SEMA6D: variants seen among roughly 807,000 people sequenced by gnomAD.
The protein encoded by SEMA6D is semaphorin-6D.
Under a neutral mutation model 106.6 loss-of-function variants are expected in SEMA6D, and 35 were observed. The ratio of observed to expected loss-of-function variants is 0.33; its 90% CI spans 0.25 to 0.44. The LOEUF is 0.44. Among genes scored for constraint, SEMA6D ranks in the 20% least tolerant of loss-of-function variants. The pLI, the probability that SEMA6D is intolerant of heterozygous loss-of-function variation, is 1.00. For synonymous variants in SEMA6D, 499 were observed against 487.7 expected (o/e 1.02, Z -0.31); for missense variants, 1,185 against 1,345.9 (o/e 0.88, Z 1.87).
intron 1 of SEMA6D, among the ~76,000 whole-genome samples, chr15:47,317,452 A>G (rs1052925899): frequency 5.9e-5 from 9 of 152,106 alleles, no homozygotes; most frequent in African/African-American, 1.9e-4. Flanking sequence ...ATCCTTCTCT[A>G]GTGGTCTTCC....
At chr15:47,448,488 C>T (rs1376188134) in intron 2 of SEMA6D, among the ~76,000 whole-genome samples, 1 of 152,052 alleles carries the variant, frequency 6.6e-6, no homozygotes. Context: ...AGGAATAATG[C>T]CTGATCCATC....
intron 1 of SEMA6D, among the ~76,000 whole-genome samples, chr15:47,403,393 A>T (rs1404453959): frequency 1.3e-5 from 2 of 152,190 alleles, no homozygotes; most frequent in African/African-American, 4.8e-5. Flanking sequence ...AAGGTAAATG[A>T]TTTAATGGAA....
chr15:47,545,488 G>A (rs2045492566), intron 3 of SEMA6D, among the ~76,000 whole-genome samples: 1 of 152,100 alleles, frequency 6.6e-6, no homozygotes, highest in Admixed American at 6.6e-5. Context: ...GGGCCAGAGT[G>A]AGACATCACA....
intron 3 of SEMA6D, among the ~76,000 whole-genome samples, chr15:47,555,081 T>A (rs1048001903): frequency 2.0e-5 from 3 of 152,152 alleles, no homozygotes; most frequent in African/African-American, 7.2e-5. Context: ...AGAATGGATA[T>A]ACCAATCATA....
intron 1 of SEMA6D, among the ~76,000 whole-genome samples, chr15:47,223,889 A>G (rs982523320): frequency 4.6e-5 from 7 of 152,026 alleles, no homozygotes; most frequent in African/African-American, 9.7e-5. Context: ...AATAATGTCT[A>G]TTATAATTTG....
At chr15:47,244,976 G>A (rs553538373) in intron 1 of SEMA6D, among the ~76,000 whole-genome samples, 6 of 151,376 alleles carry the variant, frequency 4.0e-5, no homozygotes, top group Non-Finnish European at 7.4e-5. Flanking sequence ...GCAATAATTC[G>A]CTTAGGATAA....
chr15:47,401,851 C>T (rs1013002140), intron 1 of SEMA6D, among the ~76,000 whole-genome samples: 1 of 152,164 alleles, frequency 6.6e-6, no homozygotes, highest in Non-Finnish European at 1.5e-5. Flanking sequence ...TGCGTTCATA[C>T]CACCCGCAGC....
intron 4 of SEMA6D, among the ~76,000 whole-genome samples, chr15:47,641,831 C>G (rs997400646): frequency 6.6e-6 from 1 of 152,186 alleles, no homozygotes; most frequent in African/African-American, 2.4e-5. Context: ...GTATTCCTCA[C>G]TCTAAAACAC....
At chr15:47,265,043 G>C (rs377264948) in intron 1 of SEMA6D, among the ~76,000 whole-genome samples, 2 of 151,908 alleles carry the variant, frequency 1.3e-5, no homozygotes, top group East Asian at 1.9e-4. Flanking sequence ...TTATATCCAC[G>C]TGCATAAGAG....
At position 47,687,066 on chromosome 15, in the gene SEMA6D, C is replaced by CAA. The variant is rs369941348; in HGVS notation, c.-54-72663_-54-72662dup. Among the ~76,000 whole-genome samples, 880 of 120,922 alleles carry CAA rather than the reference C, an allele frequency of 7.3e-3. 8 individuals are homozygous for CAA. The highest frequency in any genetic ancestry group is 0.016 in the South Asian group (58 of 3,604). 79.3% of individuals were successfully genotyped at this position (120,922 alleles called of 152,430 possible). A position where few individuals can be genotyped will look rare whatever the true frequency, so the allele number is the denominator to read the frequency against. ...AGGTGACACAGCAAGACCCTGTATCCAAAAAAAAAAAAAAAAAGAAGTACT... is the reference window on the plus strand; with the variant it reads ...AGGTGACACAGCAAGACCCTGTATCCAAAAAAAAAAAAAAAAAAAGAAGTACT... On this transcript the variant is annotated intron_variant, in intron 4 of 19. Transcript: ENST00000558014.
intron 13 of SEMA6D, 95 bp downstream of exon 13, chr15:47,765,151 A>G: frequency 1.3e-6 from 2 of 1,522,638 alleles, no homozygotes; most frequent in South Asian, 1.3e-5. Context: ...CTAAATTAGC[A>G]GTGGTTTGGC....
At chr15:47,232,526 G>GGTGTGTGT (rs60261871) in intron 1 of SEMA6D, among the ~76,000 whole-genome samples, 3 of 148,028 alleles carry the variant, frequency 2.0e-5, no homozygotes, top group African/African-American at 7.4e-5. Flanking sequence ...ATGGGGGGAG[G>GGTGTGTGT]GTGTGTGTGT....
intron 1 of SEMA6D, among the ~76,000 whole-genome samples, chr15:47,744,312 G>A (rs1014203809): frequency 1.3e-5 from 2 of 152,236 alleles, no homozygotes; most frequent in Non-Finnish European, 2.9e-5. Flanking sequence ...TGAGAGCTAG[G>A]CACCCCAATC....
intron 1 of SEMA6D, chr15:47,339,123 G>A (rs1436972518): frequency 2.0e-5 from 3 of 152,154 alleles, no homozygotes; most frequent in Non-Finnish European, 2.9e-5. Context: ...CCTGGAAGGC[G>A]GCACACCCAG....
chr15:47,769,056 G>A (rs370708447), intron 18 of SEMA6D, among the ~76,000 whole-genome samples: 2 of 152,162 alleles, frequency 1.3e-5, no homozygotes, highest in Non-Finnish European at 2.9e-5. Context: ...GAGGGTCACC[G>A]CAGCAACATC....
intron 1 of SEMA6D, among the ~76,000 whole-genome samples, chr15:47,355,392 T>G (rs2144929702): frequency 6.6e-6 from 1 of 152,356 alleles, no homozygotes; most frequent in African/African-American, 2.4e-5. Context: ...AAAAGCTTCA[T>G]GTTTTATTTA....
intron 1 of SEMA6D, among the ~76,000 whole-genome samples, chr15:47,203,845 T>A (rs1362180717): frequency 2.0e-5 from 3 of 152,214 alleles, no homozygotes; most frequent in Non-Finnish European, 2.9e-5. Context: ...CATTCCTATT[T>A]GTTTATTTAA....
chr15:47,204,983 C>T lies in SEMA6D; in HGVS notation c.-239+20565C>T, dbSNP rs186916947. Reference sequence around the variant, plus strand: ...AAATGTCAGATTTATTTAGCACCTACTATGCTTTGGACACTGTAGTAGGCA... The same window carrying T: ...AAATGTCAGATTTATTTAGCACCTATTATGCTTTGGACACTGTAGTAGGCA... On this transcript the variant is annotated intron_variant, in intron 1 of 19. Transcript: ENST00000558014. Among the ~76,000 whole-genome samples the T allele has an allele frequency of 1.4e-3, 207 of 152,216 alleles. 1 individual carries two copies. The highest frequency in any genetic ancestry group is 4.9e-3 in the African/African-American group (203 of 41,568).
intron 1 of SEMA6D, among the ~76,000 whole-genome samples, chr15:47,350,450 G>A (rs567301289): frequency 6.6e-5 from 10 of 152,180 alleles, no homozygotes; most frequent in African/African-American, 2.4e-4. Flanking sequence ...CACATGCATT[G>A]TTTCACATGC....
Sources: gnomAD v4.1 joint callset for allele counts (sites outside exome capture counted in the v4.1 genomes callset) on GRCh38, gnomAD v4.1.1 for gene constraint, MANE v1.5 for transcripts, NCBI Gene and HGNC (gene_info 2026-07-23, HGNC 2026-07-21) for gene names.